CFAP299: variants seen among roughly 807,000 people sequenced by gnomAD.
CFAP299 encodes cilia- and flagella-associated protein 299.
A neutral mutation model predicts 27.0 loss-of-function variants in CFAP299; 21 were observed. That is an observed-to-expected ratio of 0.78 (90% CI 0.55 to 1.12). The LOEUF is 1.12. Among genes scored for constraint, CFAP299 ranks in the 50% most tolerant of loss-of-function variants. The pLI, the probability that CFAP299 is intolerant of heterozygous loss-of-function variation, is 0.00. For synonymous variants in CFAP299, 104 were observed against 98.1 expected (o/e 1.06, Z -0.36); for missense variants, 310 against 276.6 (o/e 1.12, Z -0.86).
intron 5 of CFAP299, among the ~76,000 whole-genome samples, chr4:80,961,572 A>G (rs1738346093): frequency 6.6e-6 from 1 of 151,828 alleles, no homozygotes. Context: ...AACCTAATTC[A>G]TTACCCTCCA....
intron 3 of CFAP299, among the ~76,000 whole-genome samples, chr4:80,738,076 T>C (rs1038599289): frequency 2.6e-5 from 4 of 152,146 alleles, no homozygotes; most frequent in Admixed American, 6.5e-5. Context: ...TTTTATTCCA[T>C]TGTGGTTAGA....
intron 3 of CFAP299, among the ~76,000 whole-genome samples, chr4:80,594,640 T>G (rs886999096): frequency 1.5e-4 from 23 of 152,228 alleles, no homozygotes; most frequent in Non-Finnish European, 1.5e-5. Flanking sequence ...CGCATTCTTA[T>G]GTGATCCCTG....
chr4:80,882,211 C>A (rs1007112887), intron 4 of CFAP299, among the ~76,000 whole-genome samples: 3 of 151,260 alleles, frequency 2.0e-5, no homozygotes, highest in Admixed American at 2.0e-4. Flanking sequence ...TGGAAAACAT[C>A]CTCAGTCTCA....
chr4:80,521,547 G>A (rs146489867), intron 2 of CFAP299, among the ~76,000 whole-genome samples: 2 of 152,154 alleles, frequency 1.3e-5, no homozygotes, highest in East Asian at 3.9e-4. Context: ...GTATGTTGTT[G>A]TACAGCAGAT....
chr4:80,736,817 A>G (rs1257602705), intron 3 of CFAP299, among the ~76,000 whole-genome samples: 9 of 152,236 alleles, frequency 5.9e-5, no homozygotes, highest in African/African-American at 1.9e-4. Flanking sequence ...TACTGGGTAT[A>G]TATCCAAAGG....
At chr4:80,941,054 T>C (rs1350640846) in intron 4 of CFAP299, among the ~76,000 whole-genome samples, 1 of 152,206 alleles carries the variant, frequency 6.6e-6, no homozygotes, top group Non-Finnish European at 1.5e-5. Flanking sequence ...TATAAAATTG[T>C]GTAATATTTA....
chr4:80,959,525 G>C (rs1738234686), intron 5 of CFAP299, among the ~76,000 whole-genome samples: 1 of 151,824 alleles, frequency 6.6e-6, no homozygotes, highest in African/African-American at 2.4e-5. Context: ...AAAAATTTAG[G>C]AACTTCTCAT....
chr4:80,829,914 G>A (rs184292786), intron 3 of CFAP299, among the ~76,000 whole-genome samples: 3 of 152,166 alleles, frequency 2.0e-5, no homozygotes, highest in African/African-American at 7.2e-5. Flanking sequence ...GGCTACCAGA[G>A]GCTAGGGGAA....
chr4:80,527,604 G>A (rs1322712765), intron 2 of CFAP299, among the ~76,000 whole-genome samples: 2 of 152,032 alleles, frequency 1.3e-5, no homozygotes, highest in African/African-American at 4.8e-5. Context: ...ACTAAATAAT[G>A]TGTATTCCCT....
At chr4:80,331,957 G>C (rs760316266), upstream of CFAP299, among the ~76,000 whole-genome samples, 4 of 152,106 alleles carry the variant, frequency 2.6e-5, no homozygotes, top group Non-Finnish European at 5.9e-5. Flanking sequence ...GGAGAAAAGG[G>C]GCTAGCAAAG....
intron 3 of CFAP299, among the ~76,000 whole-genome samples, chr4:80,628,720 GA>G: frequency 6.6e-6 from 1 of 152,222 alleles, no homozygotes; most frequent in Non-Finnish European, 1.5e-5. Context: ...AAAAGTATGT[GA>G]AACAAAAGCT....
At chr4:80,405,397 T>C (rs997826394) in intron 2 of CFAP299, among the ~76,000 whole-genome samples, 1 of 152,214 alleles carries the variant, frequency 6.6e-6, no homozygotes, top group Non-Finnish European at 1.5e-5. Flanking sequence ...GAATGTTGTA[T>C]GCTTTTGATT....
At chr4:80,606,114 G>A (rs191598355) in intron 3 of CFAP299, among the ~76,000 whole-genome samples, 3 of 152,154 alleles carry the variant, frequency 2.0e-5, no homozygotes, top group Non-Finnish European at 2.9e-5. Flanking sequence ...AAAGGTGTGG[G>A]CAAACAAGTC....
chr4:80,867,313 A>G (rs1732801607), intron 3 of CFAP299, among the ~76,000 whole-genome samples: 1 of 152,106 alleles, frequency 6.6e-6, no homozygotes, highest in African/African-American at 2.4e-5. Flanking sequence ...TCCCGTATGT[A>G]TGTTTTTTGA....
intron 2 of CFAP299, among the ~76,000 whole-genome samples, chr4:80,375,863 CAAAG>C (rs1255342802): frequency 2.0e-5 from 3 of 152,162 alleles, no homozygotes; most frequent in Non-Finnish European, 4.4e-5. Context: ...CTGAGGCTGA[CAAAG>C]AAAGAGTTAA....
At chr4:80,785,255 G>A (rs1017880836) in intron 3 of CFAP299, among the ~76,000 whole-genome samples, 1 of 151,330 alleles carries the variant, frequency 6.6e-6, no homozygotes, top group African/African-American at 2.4e-5. Context: ...TTTTGCATGT[G>A]GAAATCCAGT....
chr4:80,534,222 A>G (rs2110190801), intron 2 of CFAP299, among the ~76,000 whole-genome samples: 1 of 151,634 alleles, frequency 6.6e-6, no homozygotes, highest in African/African-American at 2.4e-5. Context: ...TCTTATTTTT[A>G]TAACATTGAA....
rs550013634 is a variant in CFAP299 at position 80,369,411 on chromosome 4, C to T, written c.242+6527C>T. 5.9e-5 allele frequency among the ~76,000 whole-genome samples: 9 copies of T among 152,320 alleles called. No homozygotes were observed. The South Asian group carries it at 1.7e-3, about 28-fold the overall frequency. On this transcript the variant is annotated intron_variant, in intron 2 of 5. Transcript: ENST00000358105. ...TCCATTCTAAATCTCCTGCCTTTGTCTATCATCTTTCTAGGATTTTGTGAT... is the reference window on the plus strand; with the variant it reads ...TCCATTCTAAATCTCCTGCCTTTGTTTATCATCTTTCTAGGATTTTGTGAT...
chr4:80,376,989 T>A (rs1008186254), intron 2 of CFAP299, among the ~76,000 whole-genome samples: 1 of 152,178 alleles, frequency 6.6e-6, no homozygotes, highest in Non-Finnish European at 1.5e-5. Flanking sequence ...TGATTTTAAG[T>A]GTTCTTTATA....
Sources: gnomAD v4.1 joint callset for allele counts (sites outside exome capture counted in the v4.1 genomes callset) on GRCh38, gnomAD v4.1.1 for gene constraint, MANE v1.5 for transcripts, NCBI Gene and HGNC (gene_info 2026-07-23, HGNC 2026-07-21) for gene names.